The following GRM5 variants were observed in gnomAD, a reference collection of about 807,000 sequenced individuals.
The protein encoded by GRM5 is metabotropic glutamate receptor 5.
A neutral mutation model predicts 83.1 loss-of-function variants in GRM5; 19 were observed. The ratio of observed to expected loss-of-function variants is 0.23; its 90% CI spans 0.16 to 0.34. GRM5 has a LOEUF of 0.34. Ranked by LOEUF, GRM5 falls within the 10% of genes least tolerant of loss-of-function variation. The pLI, the probability that GRM5 is intolerant of heterozygous loss-of-function variation, is 1.00. For synonymous variants in GRM5, 675 were observed against 633.6 expected, an observed-to-expected ratio of 1.07 and a Z score of -0.98; for missense variants, 1,160 against 1,588.3, an observed-to-expected ratio of 0.73 and a Z score of 4.58.
intron 4 of GRM5, among the ~76,000 whole-genome samples, chr11:88,608,822 G>A (rs775569570): frequency 5.3e-5 from 8 of 151,914 alleles, no homozygotes; most frequent in South Asian, 2.1e-4. Context: ...TGCCGAGCCC[G>A]GATATTTTCT....
chr11:88,999,680 C>A (rs79967181), intron 2 of GRM5, among the ~76,000 whole-genome samples: 9 of 151,714 alleles, frequency 5.9e-5, no homozygotes, highest in African/African-American at 1.2e-4. Flanking sequence ...GTCAGTGTGG[C>A]GACTCCTCAG....
intron 3 of GRM5, among the ~76,000 whole-genome samples, chr11:88,816,687 A>G (rs1358838424): frequency 6.6e-6 from 1 of 151,644 alleles, no homozygotes; most frequent in Non-Finnish European, 1.5e-5. Flanking sequence ...CAGTGAATCA[A>G]AAAAGCTAGT....
At chr11:88,818,708 T>C (rs1943732380) in intron 3 of GRM5, among the ~76,000 whole-genome samples, 1 of 152,178 alleles carries the variant, frequency 6.6e-6, no homozygotes, top group African/African-American at 2.4e-5. Context: ...AGTAGTTCAT[T>C]TGCACAACAA....
chr11:88,910,601 G>C (rs751265899), intron 2 of GRM5, among the ~76,000 whole-genome samples: 1 of 151,990 alleles, frequency 6.6e-6, no homozygotes, highest in Non-Finnish European at 1.5e-5. Context: ...GAGTGAATTA[G>C]ACAAAAACCT....
chr11:88,695,898 G>A (rs1404959599), intron 3 of GRM5, among the ~76,000 whole-genome samples: 1 of 152,120 alleles, frequency 6.6e-6, no homozygotes, highest in African/African-American at 2.4e-5. Flanking sequence ...TGTTTGCAGC[G>A]CCAGAAACCT....
intron 2 of GRM5, among the ~76,000 whole-genome samples, chr11:88,974,588 T>C (rs888975952): frequency 6.6e-6 from 1 of 152,174 alleles, no homozygotes; most frequent in Non-Finnish European, 1.5e-5. Flanking sequence ...TATTAGAGCA[T>C]AGTCCCCAAT....
chr11:88,962,463 T>G (rs1044962206), intron 2 of GRM5, among the ~76,000 whole-genome samples: 4 of 152,196 alleles, frequency 2.6e-5, no homozygotes, highest in Admixed American at 1.3e-4. Flanking sequence ...TTCTAACTCA[T>G]CCATTTATTC....
At chr11:89,055,173 G>A (rs2135163082) in intron 1 of GRM5, among the ~76,000 whole-genome samples, 1 of 152,290 alleles carries the variant, frequency 6.6e-6, no homozygotes, top group South Asian at 2.1e-4. Context: ...CTTCATAGCA[G>A]AGTTGTTAAG....
At chr11:88,964,686 C>T (rs942557325) in intron 2 of GRM5, among the ~76,000 whole-genome samples, 12 of 152,150 alleles carry the variant, frequency 7.9e-5, no homozygotes, top group Non-Finnish European at 1.0e-4. Flanking sequence ...TAACTTGGCA[C>T]ATCATATTCA....
chr11:88,579,180 AG>A (rs1248510690), intron 7 of GRM5, among the ~76,000 whole-genome samples: 25 of 152,276 alleles, frequency 1.6e-4, no homozygotes, highest in Admixed American at 1.6e-3. Flanking sequence ...CAGGAGGATT[AG>A]GTGATAGAAC....
chr11:88,520,232 C>T (rs553598291), intron 9 of GRM5, among the ~76,000 whole-genome samples: 1 of 152,046 alleles, frequency 6.6e-6, no homozygotes, highest in African/African-American at 2.4e-5. Context: ...TCTTCTTCTT[C>T]TTATTTTTTA....
chr11:88,687,529 CATATATAT>C (rs1191872301), intron 3 of GRM5, among the ~76,000 whole-genome samples: 4,011 of 22,240 alleles, frequency 0.18, 778 homozygotes, highest in African/African-American at 0.38. Flanking sequence ...CACACACATA[CATATATAT>C]ACACACACAC....
At chr11:88,962,413 C>T (rs917749986) in intron 2 of GRM5, among the ~76,000 whole-genome samples, 2 of 152,212 alleles carry the variant, frequency 1.3e-5, no homozygotes, top group Non-Finnish European at 2.9e-5. Flanking sequence ...TTCACTCATA[C>T]ACTAAATAAT....
At chr11:88,735,648 T>C (rs1227305418) in intron 3 of GRM5, among the ~76,000 whole-genome samples, 3 of 152,070 alleles carry the variant, frequency 2.0e-5, no homozygotes, top group Non-Finnish European at 4.4e-5. Context: ...CTAGGAACAA[T>C]GCCACACACT....
At chr11:88,984,757 T>G (rs188960255) in intron 2 of GRM5, 369 of 724,304 alleles carry the variant, frequency 5.1e-4, no homozygotes, top group Admixed American at 2.8e-3. Flanking sequence ...AGGTATTTAT[T>G]TGAATTACAG....
At chr11:88,993,088 A>C (rs1383415223) in intron 2 of GRM5, among the ~76,000 whole-genome samples, 2 of 151,672 alleles carry the variant, frequency 1.3e-5, no homozygotes, top group African/African-American at 2.4e-5. Context: ...AACATAGTGA[A>C]ACCCACCTCT....
rs1418605166 is a variant in GRM5 at position 88,735,388 on chromosome 11, CTTG to C, written c.912-81988_912-81986del. Among the ~76,000 whole-genome samples the C allele has an allele frequency of 3.9e-5, 6 of 152,064 alleles. No individual in the cohort carries two copies. The East Asian group carries it at 9.7e-4, about 25-fold the overall frequency. On this transcript the variant is annotated intron_variant, in intron 3 of 9. Transcript: ENST00000305447. Reference sequence around the variant, plus strand: ...GATAAACGTTTTCTGTGCCCATTACCTTGTTGTTTGGTTTCACACTGGTAAAAC... The same window carrying C: ...GATAAACGTTTTCTGTGCCCATTACCTTGTTTGGTTTCACACTGGTAAAAC...
At chr11:88,667,361 T>C (rs1276854216) in intron 3 of GRM5, among the ~76,000 whole-genome samples, 1 of 152,082 alleles carries the variant, frequency 6.6e-6, no homozygotes, top group African/African-American at 2.4e-5. Flanking sequence ...CAAAACCAAA[T>C]GTGCAACCAG....
intron 2 of GRM5, among the ~76,000 whole-genome samples, chr11:89,006,886 C>T (rs1940544809): frequency 6.6e-6 from 1 of 152,206 alleles, no homozygotes; most frequent in Non-Finnish European, 1.5e-5. Context: ...CAAGCTCCGC[C>T]TCCCGGGTTC....
Sources: gnomAD v4.1 joint callset for allele counts (sites outside exome capture counted in the v4.1 genomes callset) on GRCh38, gnomAD v4.1.1 for gene constraint, MANE v1.5 for transcripts, NCBI Gene and HGNC (gene_info 2026-07-23, HGNC 2026-07-21) for gene names.